The following FRMD4B variants were observed in gnomAD, a reference collection of about 807,000 sequenced individuals.
FRMD4B encodes FERM domain containing 4B.
FRMD4B carries 74 observed loss-of-function variants against 141.5 expected under a neutral mutation model. The observed-to-expected ratio is 0.52, with a 90% confidence interval of 0.43 to 0.63. The LOEUF is 0.63. Ranked by LOEUF, FRMD4B falls within the 30% of genes least tolerant of loss-of-function variation. The probability of loss-of-function intolerance (pLI) is 0.00; values close to 1 mark genes in which losing one functional copy is unlikely to be tolerated. For synonymous variants in FRMD4B, 506 were observed against 467.9 expected (o/e 1.08, Z -1.05); for missense variants, 1,366 against 1,253.4 (o/e 1.09, Z -1.36).
chr3:69,370,241 T>C (rs1345884183), intron 1 of FRMD4B, among the ~76,000 whole-genome samples: 2 of 150,014 alleles, frequency 1.3e-5, no homozygotes, highest in Non-Finnish European at 3.0e-5. Context: ...TACATAGAAA[T>C]GCCAAAAAAA....
intron 2 of FRMD4B, among the ~76,000 whole-genome samples, chr3:69,396,272 C>T (rs753391444): frequency 4.6e-5 from 7 of 151,964 alleles, no homozygotes; most frequent in East Asian, 1.9e-4. Context: ...TCTGGGAGGC[C>T]GAGGTGGGTG....
At chr3:69,494,851 C>A (rs1706359199) in intron 1 of FRMD4B, among the ~76,000 whole-genome samples, 1 of 151,412 alleles carries the variant, frequency 6.6e-6, no homozygotes, top group African/African-American at 2.4e-5. Context: ...AAGATCACGC[C>A]ACTGCACTCC....
intron 2 of FRMD4B, among the ~76,000 whole-genome samples, chr3:69,420,290 C>CAAAAAAAAAAAAAAAAAAAAAAAAA (rs56707719): frequency 7.6e-6 from 1 of 131,992 alleles, no homozygotes; most frequent in Non-Finnish European, 1.6e-5. Flanking sequence ...AAAGGGATAT[C>CAAAAAAAAAAAAAAAAAAAAAAAAA]AAAAAAAAAA....
At chr3:69,348,680 A>G (rs989952330) in intron 1 of FRMD4B, among the ~76,000 whole-genome samples, 4 of 152,246 alleles carry the variant, frequency 2.6e-5, no homozygotes, top group African/African-American at 7.2e-5. Flanking sequence ...CTGGTACAAC[A>G]TATGCAAATC....
At position 69,348,870 on chromosome 3, in the gene FRMD4B, T is replaced by C. The variant is rs574533355; in HGVS notation, c.163-35353A>G. ...AGAGCTATTTAGGACAAACCCACAG[T>C]CAATATCATACTGAATGGGCAAAAA... On this transcript the variant is annotated intron_variant, in intron 1 of 22. Transcript: ENST00000398540. Among the ~76,000 whole-genome samples the C allele has an allele frequency of 5.8e-4, 88 of 152,274 alleles. 2 individuals are homozygous for C. The South Asian group carries it at 0.015, about 26-fold the overall frequency.
At position 69,311,263 on chromosome 3, in the gene FRMD4B, G is replaced by A. The variant is rs751282878; in HGVS notation, c.323C>T (p.Thr108Ile). ...EYFGITFIDD[T>I]GQQNWLQLDH... ...AAACTAAAACTATTAAAGGACTTAC[G>A]TGTCATCTATGAATGTTATTCCAAA... Residue 108 changes from threonine to isoleucine, a missense_variant and splice_region_variant, in exon 3 of 23, where the codon ACA (threonine) becomes ATA (isoleucine). Physicochemically the swap from Thr to Ile is moderately conservative, Grantham distance 89. Transcript: ENST00000398540. 5.0e-6 allele frequency: 7 copies of A among 1,409,456 alleles called. No homozygotes were observed. Among genetic ancestry groups the A allele is most frequent in the African/African-American group, 2.8e-5 (2 of 70,960 alleles). The allele number at this position is 1,409,456 out of a possible 1,614,324, so 87.3% of individuals were successfully genotyped here. A position where few individuals can be genotyped will look rare whatever the true frequency, so the allele number is the denominator to read the frequency against.
intron 8 of FRMD4B, among the ~76,000 whole-genome samples, chr3:69,223,571 G>A (rs1051451197): frequency 1.6e-4 from 24 of 152,042 alleles, no homozygotes; most frequent in African/African-American, 5.6e-4. Flanking sequence ...GGGCCCGGTG[G>A]CTCACACCTG....
At chr3:69,321,512 T>G (rs1229137527) in intron 1 of FRMD4B, among the ~76,000 whole-genome samples, 2 of 152,174 alleles carry the variant, frequency 1.3e-5, no homozygotes, top group Non-Finnish European at 1.5e-5. Context: ...CCCAGCTATC[T>G]AGGCAGGTTC....
intron 11 of FRMD4B, among the ~76,000 whole-genome samples, chr3:69,211,747 A>G (rs35466234): frequency 0.088 from 13,399 of 152,164 alleles, 619 homozygotes; most frequent in Middle Eastern, 0.11. Context: ...CAGTTTGCCA[A>G]TTTGACCTTC....
intron 1 of FRMD4B, among the ~76,000 whole-genome samples, chr3:69,354,169 C>T (rs1191514320): frequency 1.3e-5 from 2 of 152,132 alleles, no homozygotes; most frequent in African/African-American, 4.8e-5. Flanking sequence ...ATGCCAGCCA[C>T]AACAGAAAAT....
At chr3:69,355,346 G>A (rs1703282101) in intron 1 of FRMD4B, among the ~76,000 whole-genome samples, 1 of 152,154 alleles carries the variant, frequency 6.6e-6, no homozygotes, top group Admixed American at 6.5e-5. Context: ...TTTTATATAG[G>A]TTGACCCAAA....
chr3:69,180,540 GCA>G (rs2092695040), intron 21 of FRMD4B, among the ~76,000 whole-genome samples: 1 of 151,854 alleles, frequency 6.6e-6, no homozygotes, highest in Non-Finnish European at 1.5e-5. Flanking sequence ...AAAAGACAAA[GCA>G]AGTGAAACCC....
chr3:69,260,385 G>C (rs371037116), intron 5 of FRMD4B, among the ~76,000 whole-genome samples: 1 of 152,212 alleles, frequency 6.6e-6, no homozygotes, highest in African/African-American at 2.4e-5. Flanking sequence ...GGTCGTCGCC[G>C]CCAGCCCTGG....
At position 69,267,665 on chromosome 3, in the gene FRMD4B, AGAGAGAGAGAGAGAGAGAGAGAGAGT is replaced by A. The variant is rs1161508632; in HGVS notation, c.502-17592_502-17567del. ...GAGAGAGAGAGAGAGAGAGAGAGAG[AGAGAGAGAGAGAGAGAGAGAGAGAGT>A]GTCTGTCTGTCCCCCCAGTCTATCT... On this transcript the variant is annotated intron_variant, in intron 5 of 22. Coordinates refer to ENST00000398540, the MANE Select transcript of FRMD4B (RefSeq NM_015123.3). Among the ~76,000 whole-genome samples, 283 of 143,418 alleles carry A rather than the reference AGAGAGAGAGAGAGAGAGAGAGAGAGT, an allele frequency of 2.0e-3. 5 individuals are homozygous for A. Among genetic ancestry groups the A allele is most frequent in the Middle Eastern group, 7.5e-3 (2 of 266 alleles). The allele number at this position is 143,418 out of a possible 152,430, so 94.1% of individuals were successfully genotyped here.
In FRMD4B at chr3:69,288,542, G is replaced by A. The variant is rs79529837; in HGVS notation, c.417-706C>T. 2.0e-3 allele frequency among the ~76,000 whole-genome samples: 307 copies of A among 152,308 alleles called. 1 individual carries two copies. Among genetic ancestry groups the A allele is most frequent in the African/African-American group, 7.2e-3 (299 of 41,548 alleles). Reference sequence around the variant, plus strand: ...CAGGTTGCAGGCAGGCCCCTCTCAGGAGCGCTCTGACAGCTCCCGGGTGGG... The same window carrying A: ...CAGGTTGCAGGCAGGCCCCTCTCAGAAGCGCTCTGACAGCTCCCGGGTGGG... On this transcript the variant is annotated intron_variant, in intron 4 of 22. Coordinates refer to ENST00000398540, the MANE Select transcript of FRMD4B (RefSeq NM_015123.3).
intron 1 of FRMD4B, among the ~76,000 whole-genome samples, chr3:69,477,729 A>C (rs1688966281): frequency 6.6e-6 from 1 of 151,028 alleles, no homozygotes; most frequent in Non-Finnish European, 1.5e-5. Context: ...AAAATGAGTT[A>C]GGGAGGATTC....
intron 2 of FRMD4B, among the ~76,000 whole-genome samples, chr3:69,397,348 T>C (rs1704490378): frequency 6.6e-6 from 1 of 152,090 alleles, no homozygotes; most frequent in African/African-American, 2.4e-5. Context: ...GTATGACTAT[T>C]AATGGGTATG....
chr3:69,358,849 T>C (rs1703395402), intron 1 of FRMD4B, among the ~76,000 whole-genome samples: 2 of 152,226 alleles, frequency 1.3e-5, no homozygotes, highest in South Asian at 2.1e-4. Flanking sequence ...GGGCTTCTAA[T>C]AAAAGATAAG....
intron 22 of FRMD4B, among the ~76,000 whole-genome samples, chr3:69,175,479 C>T (rs2092634296): frequency 6.6e-6 from 1 of 152,168 alleles, no homozygotes; most frequent in African/African-American, 2.4e-5. Context: ...ACAAACAGGA[C>T]AGCTGGCTGT....
Sources: allele counts gnomAD v4.1 joint callset (sites outside exome capture counted in the v4.1 genomes callset), GRCh38; gene constraint gnomAD v4.1.1; transcripts MANE v1.5; gene names NCBI Gene and HGNC (gene_info 2026-07-23, HGNC 2026-07-21).